Variants in PTPRJ observed in about 807,000 individuals in gnomAD.
PTPRJ encodes protein tyrosine phosphatase receptor type J.
A neutral mutation model predicts 141.3 loss-of-function variants in PTPRJ; 129 were observed. The observed-to-expected ratio is 0.91, with a 90% CI of 0.79 to 1.06. The LOEUF is 1.06. PTPRJ is among the 50% of genes least tolerant of loss of function. PTPRJ has a pLI of 0.00. For missense variants in PTPRJ, 1,601 were observed against 1,679.7 expected (o/e 0.95, Z 0.82); for synonymous variants, 610 against 640.5 (o/e 0.95, Z 0.72).
At chr11:48,045,557 A>G (rs1854372113) in intron 1 of PTPRJ, among the ~76,000 whole-genome samples, 1 of 152,160 alleles carries the variant, frequency 6.6e-6, no homozygotes, top group Non-Finnish European at 1.5e-5. Flanking sequence ...TTGTCTTTCC[A>G]GAGTTTGGTT....
At chr11:48,100,855 C>G (rs1856132178) in intron 1 of PTPRJ, among the ~76,000 whole-genome samples, 1 of 149,752 alleles carries the variant, frequency 6.7e-6, no homozygotes, top group East Asian at 1.9e-4. Context: ...GCACTACAGC[C>G]TAGGCAACAA....
At position 48,168,574 on chromosome 11, in the gene PTPRJ, A is replaced by G. The variant is rs1261650300; in HGVS notation, c.*1212A>G. 7.7e-6 allele frequency: 1 copy of G among 129,328 alleles called. No homozygotes were observed. 8.0% of individuals were successfully genotyped at this position (129,328 alleles called of 1,614,324 possible). A position where few individuals can be genotyped will look rare whatever the true frequency, so the allele number is the denominator to read the frequency against. On this transcript the variant is annotated 3_prime_UTR_variant, in exon 25 of 25. Coordinates refer to ENST00000418331, the MANE Select transcript of PTPRJ (RefSeq NM_002843.4). Reference sequence around the variant, plus strand: ...TATATATATATATATATATATATATATATATATACACTAAGCTCTCAAAAA... The same window carrying G: ...TATATATATATATATATATATATATGTATATATACACTAAGCTCTCAAAAA...
At chr11:48,018,959 C>T (rs991575090) in intron 1 of PTPRJ, among the ~76,000 whole-genome samples, 3 of 152,078 alleles carry the variant, frequency 2.0e-5, no homozygotes, top group African/African-American at 4.8e-5. Flanking sequence ...GCAGGGGAGT[C>T]GAGTTACCCT....
At position 48,164,830 on chromosome 11, in the gene PTPRJ, T is replaced by G. The variant is rs1857880567; in HGVS notation, c.3855+315T>G. ...ATCTGCCTGCCTCAGTGTCCCGAAGTGCTGGGATTACAGGCATGAGCCACT... is the reference window on the plus strand; with the variant it reads ...ATCTGCCTGCCTCAGTGTCCCGAAGGGCTGGGATTACAGGCATGAGCCACT... On this transcript the variant is annotated intron_variant, in intron 24 of 24. Coordinates refer to ENST00000418331, the MANE Select transcript of PTPRJ (RefSeq NM_002843.4). Among the ~76,000 whole-genome samples the G allele has an allele frequency of 2.0e-5, 3 of 150,996 alleles. No homozygotes were observed. In the South Asian group the frequency reaches 6.3e-4, roughly 32 times the overall value.
At chr11:48,066,837 C>G (rs938164295) in intron 1 of PTPRJ, among the ~76,000 whole-genome samples, 1 of 152,088 alleles carries the variant, frequency 6.6e-6, no homozygotes, top group Non-Finnish European at 1.5e-5. Context: ...CCGCCTGCCT[C>G]GGCCTCCCAA....
chr11:48,155,670 C>A, intron 19 of PTPRJ, 131 bp from the exon 20 acceptor site: 1 of 706,648 alleles, frequency 1.4e-6, no homozygotes, highest in South Asian at 1.9e-5. Context: ...ATATGAAATG[C>A]CACACTGTGC....
intron 1 of PTPRJ, among the ~76,000 whole-genome samples, chr11:48,077,170 C>G (rs1855426757): frequency 6.6e-6 from 1 of 151,354 alleles, no homozygotes; most frequent in Admixed American, 6.6e-5. Context: ...CTGGCCAAGT[C>G]TTTTTTCTTT....
intron 1 of PTPRJ, among the ~76,000 whole-genome samples, chr11:48,009,319 G>T (rs1333938305): frequency 6.6e-6 from 1 of 152,208 alleles, no homozygotes; most frequent in African/African-American, 2.4e-5. Context: ...AAACAGGCTG[G>T]GCGCAGTGGC....
intron 4 of PTPRJ, among the ~76,000 whole-genome samples, 161 bp from the exon 5 acceptor site, chr11:48,123,452 A>G (rs1217283115): frequency 6.6e-6 from 1 of 152,204 alleles, no homozygotes; most frequent in African/African-American, 2.4e-5. Context: ...CTCTGATAGA[A>G]AGGAAGTATT....
At chr11:48,123,592 C>T in intron 4 of PTPRJ, 21 bp from the exon 5 acceptor site, 1 of 1,606,884 alleles carries the variant, frequency 6.2e-7, no homozygotes, top group Non-Finnish European at 8.5e-7. Flanking sequence ...TCCATTAATG[C>T]ATGTTGTATT....
At chr11:48,162,850 ATGTTG>A in intron 22 of PTPRJ, among the ~76,000 whole-genome samples, 1 of 152,212 alleles carries the variant, frequency 6.6e-6, no homozygotes, top group South Asian at 2.1e-4. Context: ...TGTCTTTCAG[ATGTTG>A]AAATGGATGG....
At chr11:48,132,352 G>A (rs1857000671) in intron 8 of PTPRJ, 1 of 974,732 alleles carries the variant, frequency 1.0e-6, no homozygotes, top group Admixed American at 6.2e-5. Context: ...ACCAGCCTGG[G>A]AGACCCTGTC....
Position 47,980,667 on chromosome 11 carries a change from C to T in PTPRJ, c.-246C>T. On this transcript the variant is annotated 5_prime_UTR_variant, in exon 1 of 25. Transcript: ENST00000418331. ...GCCGCTCGCTCCGCCCCGCGAAGCC[C>T]CTGCGCGCTCAGGGACGCGGCCCCC... 1 of 987,040 alleles carries T rather than the reference C, an allele frequency of 1.0e-6. No individual in the cohort carries two copies. The highest frequency in any genetic ancestry group is 1.8e-5 in the African/African-American group (1 of 57,060). The allele number at this position is 987,040 out of a possible 1,614,324, so 61.1% of individuals were successfully genotyped here.
rs1269453135 is a variant in PTPRJ, at chr11:48,063,215, C to G, written c.97-46843C>G. On this transcript the variant is annotated intron_variant, in intron 1 of 24. Transcript: ENST00000418331. ...TGGTGGCACACGTCTGTAATCCCAG[C>G]TACTTGGGAGGCTGAGGCAGGAGAA... is the stretch of plus-strand genomic sequence containing the variant. Among the ~76,000 whole-genome samples the G allele has an allele frequency of 2.6e-5, 4 of 152,134 alleles. No homozygotes were observed. In the East Asian group the frequency reaches 7.7e-4, roughly 29 times the overall value.
At chr11:48,116,888 A>G (rs1565310756) in intron 3 of PTPRJ, among the ~76,000 whole-genome samples, 1 of 152,224 alleles carries the variant, frequency 6.6e-6, no homozygotes, top group African/African-American at 2.4e-5. Context: ...TTCTTAAGCA[A>G]TTTTGTTAAC....
chr11:48,071,965 G>A (rs1455268373), intron 1 of PTPRJ, among the ~76,000 whole-genome samples: 1 of 147,336 alleles, frequency 6.8e-6, no homozygotes, highest in Non-Finnish European at 1.5e-5. Context: ...GAGTGCAGTG[G>A]CATGATCTTG....
chr11:48,104,209 C>T (rs1856230874), intron 1 of PTPRJ, among the ~76,000 whole-genome samples: 1 of 152,164 alleles, frequency 6.6e-6, no homozygotes, highest in African/African-American at 2.4e-5. Flanking sequence ...AGTGCCACAC[C>T]TGCCTTCAGG....
At chr11:47,989,434 T>G (rs1426748801) in intron 1 of PTPRJ, among the ~76,000 whole-genome samples, 2 of 151,794 alleles carry the variant, frequency 1.3e-5, no homozygotes, top group Non-Finnish European at 2.9e-5. Flanking sequence ...GCCCAGCTAA[T>G]TTTTTGTATT....
At chr11:48,025,948 C>A (rs1308458641) in intron 1 of PTPRJ, among the ~76,000 whole-genome samples, 3 of 152,184 alleles carry the variant, frequency 2.0e-5, no homozygotes, top group Non-Finnish European at 4.4e-5. Flanking sequence ...ATGCTCATCC[C>A]CCCAATTATG....
Sources: allele counts gnomAD v4.1 joint callset (sites outside exome capture counted in the v4.1 genomes callset), GRCh38; gene constraint gnomAD v4.1.1; transcripts MANE v1.5; gene names NCBI Gene and HGNC (gene_info 2026-07-23, HGNC 2026-07-21).